The following TNR variants were observed in gnomAD, a reference collection of about 807,000 sequenced individuals.
The protein encoded by TNR is tenascin R, also known as tenascin-R.
Under a neutral mutation model 150.4 loss-of-function variants are expected in TNR, and 45 were observed. The observed-to-expected ratio is 0.30, with a 90% CI of 0.24 to 0.38. The LOEUF is 0.38. Among genes scored for constraint, TNR ranks in the 10% least tolerant of loss-of-function variants. TNR has a pLI of 1.00. For missense variants in TNR, 1,544 were observed against 1,759.1 expected (o/e 0.88, Z 2.19); for synonymous variants, 687 against 678.4 (o/e 1.01, Z -0.20).
intron 2 of TNR, among the ~76,000 whole-genome samples, chr1:175,427,840 T>A (rs1387360973): frequency 7.2e-6 from 1 of 139,392 alleles, no homozygotes; most frequent in Non-Finnish European, 1.6e-5. Context: ...CCTCCCTCCC[T>A]TCCCTCTTTT....
Position 175,717,348 on chromosome 1 carries a change from C to A in TNR, c.-165+25878G>T, listed in dbSNP as rs546059507. Among the ~76,000 whole-genome samples the A allele has an allele frequency of 2.6e-5, 4 of 152,098 alleles. No homozygotes were observed. In the East Asian group the frequency reaches 7.7e-4, roughly 29 times the overall value. On this transcript the variant is annotated intron_variant, in intron 1 of 22. Transcript: ENST00000367674. Reference sequence around the variant, plus strand: ...TAACTATTGGGTACTATGCTCAGTACCTGGGTGATGAGATTAATCATACCC... The same window carrying A: ...TAACTATTGGGTACTATGCTCAGTAACTGGGTGATGAGATTAATCATACCC...
chr1:175,733,493 C>G (rs1667695216), intron 1 of TNR, among the ~76,000 whole-genome samples: 1 of 152,160 alleles, frequency 6.6e-6, no homozygotes, highest in South Asian at 2.1e-4. Context: ...CCCTTTCCCT[C>G]CCAGTCTCCA....
rs575424136 is a variant in TNR, at chr1:175,722,416, C to T, written c.-165+20810G>A. 7.9e-5 allele frequency among the ~76,000 whole-genome samples: 12 copies of T among 152,276 alleles called. 1 individual carries two copies. The highest frequency in any genetic ancestry group is 2.9e-4 in the African/African-American group (12 of 41,552). ...CAATACTTATGCCTGCTTATGGTGA[C>T]AGTAACCATTTTTCCCACCCTATTC... On this transcript the variant is annotated intron_variant, in intron 1 of 22. Transcript: ENST00000367674.
chr1:175,659,707 C>T (rs1009926856), intron 1 of TNR, among the ~76,000 whole-genome samples: 7 of 152,074 alleles, frequency 4.6e-5, no homozygotes, highest in African/African-American at 1.4e-4. Context: ...TTTCTCACAG[C>T]GTCATTCTGT....
chr1:175,650,485 ATT>A (rs1444123163), intron 1 of TNR, among the ~76,000 whole-genome samples: 1 of 151,880 alleles, frequency 6.6e-6, no homozygotes, highest in Non-Finnish European at 1.5e-5. Context: ...CAATGCCTGT[ATT>A]TGCATTATAA....
intron 1 of TNR, among the ~76,000 whole-genome samples, chr1:175,661,117 C>A (rs562621048): frequency 2.2e-4 from 33 of 152,278 alleles, no homozygotes; most frequent in African/African-American, 7.5e-4. Flanking sequence ...ACACTTATTT[C>A]CTGAGCTCCT....
At chr1:175,414,331 G>C (rs1654342541) in intron 2 of TNR, among the ~76,000 whole-genome samples, 1 of 152,036 alleles carries the variant, frequency 6.6e-6, no homozygotes, top group Non-Finnish European at 1.5e-5. Context: ...AAGAGTGCCA[G>C]GCTGGTGGAG....
chr1:175,732,511 G>C (rs1320415141), intron 1 of TNR, among the ~76,000 whole-genome samples: 6 of 152,228 alleles, frequency 3.9e-5, no homozygotes, highest in East Asian at 1.9e-4. Flanking sequence ...CCCAAGGAAG[G>C]GGGTAGGACT....
At chr1:175,700,607 C>T (rs1666663204) in intron 1 of TNR, among the ~76,000 whole-genome samples, 1 of 152,154 alleles carries the variant, frequency 6.6e-6, no homozygotes, top group African/African-American at 2.4e-5. Context: ...AGCTCATGTC[C>T]AGCCTCCACT....
rs549677399 is a variant in TNR, at chr1:175,316,495, A to G, written c.*6862T>C. 1.3e-5 allele frequency: 2 copies of G among 152,244 alleles called. No homozygotes were observed. The highest frequency in any genetic ancestry group is 2.4e-5 in the African/African-American group (1 of 41,452). 9.4% of individuals were successfully genotyped at this position (152,244 alleles called of 1,614,324 possible). Reference sequence around the variant, plus strand: ...GGATATCTGCATTTGTGCTATCCATACTGGTTTGAATACACTAATAATATA... The same window carrying G: ...GGATATCTGCATTTGTGCTATCCATGCTGGTTTGAATACACTAATAATATA... On this transcript the variant is annotated 3_prime_UTR_variant, in exon 23 of 23. Transcript: ENST00000367674.
chr1:175,394,803 T>C (rs965753730), intron 5 of TNR, among the ~76,000 whole-genome samples: 2 of 152,204 alleles, frequency 1.3e-5, no homozygotes, highest in African/African-American at 4.8e-5. Context: ...TCAGGTGGTT[T>C]ACATGATTTT....
At chr1:175,641,239 C>G (rs976553019) in intron 1 of TNR, among the ~76,000 whole-genome samples, 2 of 145,550 alleles carry the variant, frequency 1.4e-5, no homozygotes, top group Non-Finnish European at 2.9e-5. Context: ...AGTGGCCAAA[C>G]AAACATTTAA....
At chr1:175,567,836 G>A (rs924664560) in intron 1 of TNR, among the ~76,000 whole-genome samples, 25 of 152,148 alleles carry the variant, frequency 1.6e-4, no homozygotes, top group Admixed American at 1.2e-3. Flanking sequence ...TGGGATGGAC[G>A]TTCTTAATGA....
At chr1:175,661,800 C>T (rs987095833) in intron 1 of TNR, among the ~76,000 whole-genome samples, 1 of 130,612 alleles carries the variant, frequency 7.7e-6, no homozygotes, top group African/African-American at 2.9e-5. Context: ...TCCCCCCTCC[C>T]CCCACCCTTT....
chr1:175,636,407 C>A (rs985930639), intron 1 of TNR, among the ~76,000 whole-genome samples: 2 of 152,134 alleles, frequency 1.3e-5, no homozygotes, highest in African/African-American at 4.8e-5. Context: ...CTCCATGCCC[C>A]TGACTCATAG....
At chr1:175,712,555 C>T (rs1011785328) in intron 1 of TNR, among the ~76,000 whole-genome samples, 1 of 152,122 alleles carries the variant, frequency 6.6e-6, no homozygotes, top group Non-Finnish European at 1.5e-5. Flanking sequence ...CTGCCCAAAT[C>T]TCATATTGAA....
chr1:175,469,781 T>C (rs1213218376), intron 2 of TNR, among the ~76,000 whole-genome samples: 1 of 152,050 alleles, frequency 6.6e-6, no homozygotes, highest in African/African-American at 2.4e-5. Flanking sequence ...AGACTTGGGT[T>C]TTGGGCCAAT....
rs567724553 is a variant in TNR at position 175,320,652 on chromosome 1, A to T, written c.*2705T>A. 4 of 151,672 alleles carry T rather than the reference A, an allele frequency of 2.6e-5. No individual in the cohort carries two copies. The East Asian group carries it at 7.8e-4, about 29-fold the overall frequency. 9.4% of individuals were successfully genotyped at this position (151,672 alleles called of 1,614,324 possible). A position where few individuals can be genotyped will look rare whatever the true frequency, so the allele number is the denominator to read the frequency against. On this transcript the variant is annotated 3_prime_UTR_variant, in exon 23 of 23. Coordinates refer to ENST00000367674, the MANE Select transcript of TNR (RefSeq NM_003285.3). Reference sequence around the variant, plus strand: ...CCTGGTCTCTGTTTTTATGGACAAAAAGAGTTCAGCCTCTCACTCGGCATG... The same window carrying T: ...CCTGGTCTCTGTTTTTATGGACAAATAGAGTTCAGCCTCTCACTCGGCATG...
intron 2 of TNR, among the ~76,000 whole-genome samples, chr1:175,487,307 G>A (rs747849392): frequency 3.9e-5 from 6 of 152,150 alleles, no homozygotes; most frequent in Non-Finnish European, 7.3e-5. Context: ...GAGCTCAGGT[G>A]GTAATGCTTA....
Sources: allele counts gnomAD v4.1 joint callset (sites outside exome capture counted in the v4.1 genomes callset), GRCh38; gene constraint gnomAD v4.1.1; transcripts MANE v1.5; gene names NCBI Gene and HGNC (gene_info 2026-07-23, HGNC 2026-07-21).